The following PPP5C variants were observed in gnomAD, a reference collection of about 807,000 sequenced individuals.
The protein encoded by PPP5C is serine/threonine-protein phosphatase 5.
Under a neutral mutation model 66.7 loss-of-function variants are expected in PPP5C, and 21 were observed. That is an observed-to-expected ratio of 0.31 (90% CI 0.22 to 0.45). The LOEUF (loss-of-function observed/expected upper bound fraction) is 0.45, where lower values mean the gene tolerates loss of function less well. PPP5C is among the 20% of genes least tolerant of loss of function. The probability of loss-of-function intolerance (pLI) is 1.00; values close to 1 mark genes in which losing one functional copy is unlikely to be tolerated. For synonymous variants in PPP5C, 246 were observed against 257.4 expected, an observed-to-expected ratio of 0.96 and a Z score of 0.43; for missense variants, 464 against 675.9, an observed-to-expected ratio of 0.69 and a Z score of 3.48.
At chr19:46,366,690 G>T (rs1972496695) in intron 2 of PPP5C, among the ~76,000 whole-genome samples, 1 of 152,146 alleles carries the variant, frequency 6.6e-6, no homozygotes, top group Non-Finnish European at 1.5e-5. Flanking sequence ...ATTATAAAAG[G>T]GGTTTTGCAG....
chr19:46,384,059 A>C (rs1774168926), intron 6 of PPP5C, 181 bp downstream of exon 6: 2 of 602,634 alleles, frequency 3.3e-6, no homozygotes, highest in Non-Finnish European at 5.9e-6. Flanking sequence ...CCCAGGCTCC[A>C]GGCTCGGACA....
At chr19:46,352,175 A>G (rs1465507084) in intron 1 of PPP5C, among the ~76,000 whole-genome samples, 1 of 151,822 alleles carries the variant, frequency 6.6e-6, no homozygotes, top group African/African-American at 2.4e-5. Context: ...AACCCTAAAC[A>G]CTGGGCACCA....
chr19:46,353,799 A>G lies in PPP5C; in HGVS notation c.173A>G (p.Asn58Ser). The G allele has an allele frequency of 6.2e-7, 1 of 1,614,048 alleles. No homozygotes were observed. ...TTCTACAGCCAGGCCATCGAGCTGA[A>G]CCCCAGCAATGCCATCTACTATGGC... ...IKFYSQAIEL[N>S]PSNAIYYGNR... The change falls in exon 2 of 13, where the codon AAC becomes AGC. Residue 58 changes from asparagine to serine, a missense_variant. Physicochemically the swap from Asn to Ser is conservative, Grantham distance 46. Transcript: ENST00000012443.
At chr19:46,384,091 G>C in intron 6 of PPP5C, 1 of 569,152 alleles carries the variant, frequency 1.8e-6, no homozygotes, top group Non-Finnish European at 3.1e-6. Context: ...GCACCCACCT[G>C]CTGTGTGACC....
chr19:46,349,167 A>G (rs1460271834), intron 1 of PPP5C, among the ~76,000 whole-genome samples: 3 of 152,028 alleles, frequency 2.0e-5, no homozygotes, highest in Non-Finnish European at 4.4e-5. Context: ...GGTGGCACAC[A>G]CCTGTAGTCC....
intron 2 of PPP5C, among the ~76,000 whole-genome samples, chr19:46,365,891 T>A (rs1972482345): frequency 6.6e-6 from 1 of 152,168 alleles, no homozygotes; most frequent in Non-Finnish European, 1.5e-5. Context: ...ATGCCAGTAC[T>A]GTGACCCGGG....
At chr19:46,349,246 A>C (rs1601407347) in intron 1 of PPP5C, among the ~76,000 whole-genome samples, 1 of 152,098 alleles carries the variant, frequency 6.6e-6, no homozygotes, top group Non-Finnish European at 1.5e-5. Flanking sequence ...GTGAGCCAAG[A>C]TCACACCACT....
Position 46,376,697 on chromosome 19 carries a change from A to G in PPP5C, c.633+123A>G. On this transcript the variant is annotated intron_variant, in intron 4 of 12. Coordinates refer to ENST00000012443, the MANE Select transcript of PPP5C (RefSeq NM_006247.4). The surrounding 1 kb of genome is among the most constrained non-coding windows in gnomAD (Gnocchi z 5.1). ...GCCATGACAGCCAACACCAAACAGG[A>G]GTCGTGTGCCGGACACTGTGCCGAG... 1.5e-6 allele frequency: 2 copies of G among 1,368,240 alleles called. No individual in the cohort carries two copies. The highest frequency in any genetic ancestry group is 2.0e-6 in the Non-Finnish European group (2 of 999,888). 84.8% of individuals were successfully genotyped at this position (1,368,240 alleles called of 1,614,324 possible).
chr19:46,349,513 G>A (rs1375163746), intron 1 of PPP5C, among the ~76,000 whole-genome samples: 1 of 152,224 alleles, frequency 6.6e-6, no homozygotes, highest in South Asian at 2.1e-4. Context: ...GCTCGATCCG[G>A]TGGGAGCCGT....
Position 46,388,476 on chromosome 19 carries a change from G to A in PPP5C, c.1176+28G>A, listed in dbSNP as rs1446639407. Reference sequence around the variant, plus strand: ...GAGTCTAGGGTGGGGTGCAGGGCCGGCGGGTGTGGGCTGTGGCAGCAGGTG... The same window carrying A: ...GAGTCTAGGGTGGGGTGCAGGGCCGACGGGTGTGGGCTGTGGCAGCAGGTG... On this transcript the variant is annotated intron_variant, in intron 10 of 12. Coordinates refer to ENST00000012443, the MANE Select transcript of PPP5C (RefSeq NM_006247.4). This position sits in a 1 kb window ranked among gnomAD's most constrained non-coding sequence, Gnocchi z 4.9. 1 of 1,610,468 alleles carries A rather than the reference G, an allele frequency of 6.2e-7. No homozygotes were observed. The highest frequency in any genetic ancestry group is 8.5e-7 in the Non-Finnish European group (1 of 1,177,328).
At position 46,376,650 on chromosome 19, in the gene PPP5C, G is replaced by C. The variant is rs1169033718; in HGVS notation, c.633+76G>C. On this transcript the variant is annotated intron_variant, in intron 4 of 12. Transcript: ENST00000012443. The surrounding 1 kb of genome is among the most constrained non-coding windows in gnomAD (Gnocchi z 5.1). ...CAGCACTGCCAGCCGCGGGCACTGA[G>C]CAAAACGACAGGAGAAGGGCGGCCA... 4 of 1,565,660 alleles carry C rather than the reference G, an allele frequency of 2.6e-6. No individual in the cohort carries two copies. The African/African-American group carries it at 5.4e-5, about 21-fold the overall frequency.
Position 46,376,927 on chromosome 19 carries a change from G to A in PPP5C, c.633+353G>A, listed in dbSNP as rs1160273236. ...CTGCTGGTTGTTGCAGGTTGTTTGG[G>A]ACCTGCTGGTTGCTCCTAGTCCTGA... On this transcript the variant is annotated intron_variant, in intron 4 of 12. Coordinates refer to ENST00000012443, the MANE Select transcript of PPP5C (RefSeq NM_006247.4). The surrounding 1 kb of genome is among the most constrained non-coding windows in gnomAD (Gnocchi z 5.1). 1.3e-5 allele frequency among the ~76,000 whole-genome samples: 2 copies of A among 152,116 alleles called. No individual in the cohort carries two copies. The highest frequency in any genetic ancestry group is 2.9e-5 in the Non-Finnish European group (2 of 68,018).
At position 46,383,750 on chromosome 19, in the gene PPP5C, G is replaced by C. The variant is rs1024781; in HGVS notation, c.700-30G>C. ...CCTCCCCACGTCTCTCTCTCGGCCC[G>C]TCCCTCTCCGGTGGCCTCTTTTCTT... On this transcript the variant is annotated intron_variant, in intron 5 of 12. Transcript: ENST00000012443. This position sits in a 1 kb window ranked among gnomAD's most constrained non-coding sequence, Gnocchi z 5.0. 0.97 allele frequency: 1,513,655 copies of C among 1,567,946 alleles called. 730,769 individuals carry two copies. Among genetic ancestry groups the C allele is most frequent in the East Asian group, 1 (44,607 of 44,622 alleles).
At chr19:46,361,241 T>C (rs1325112581) in intron 2 of PPP5C, among the ~76,000 whole-genome samples, 1 of 150,154 alleles carries the variant, frequency 6.7e-6, no homozygotes, top group Non-Finnish European at 1.5e-5. Context: ...CCCATTCTCC[T>C]GCCTCAGCCT....
Position 46,376,833 on chromosome 19 carries a change from G to T in PPP5C, c.633+259G>T. 2.5e-6 allele frequency: 1 copy of T among 400,746 alleles called. No individual in the cohort carries two copies. Among genetic ancestry groups the T allele is most frequent in the Non-Finnish European group, 4.6e-6 (1 of 218,088 alleles). 24.8% of individuals were successfully genotyped at this position (400,746 alleles called of 1,614,324 possible). On this transcript the variant is annotated intron_variant, in intron 4 of 12. Transcript: ENST00000012443. The surrounding 1 kb of genome is among the most constrained non-coding windows in gnomAD (Gnocchi z 5.1). The stretch of plus-strand genomic sequence containing the variant: ...CAGAGAGGTCAGGTGACTGGCCCAG[G>T]GTGAAAGGTGAGGAAGCAGTAGAGT...
chr19:46,365,989 A>T (rs1972483969), intron 2 of PPP5C, among the ~76,000 whole-genome samples: 1 of 152,128 alleles, frequency 6.6e-6, no homozygotes, highest in African/African-American at 2.4e-5. Flanking sequence ...AAAGATGGAA[A>T]CCTTCATTCT....
At chr19:46,366,374 T>C (rs2009569) in intron 2 of PPP5C, among the ~76,000 whole-genome samples, 149,979 of 151,958 alleles carry the variant, frequency 0.99, 74,017 homozygotes, top group East Asian at 1. Flanking sequence ...GAGACAGAAT[T>C]TTACTCTGTC....
At chr19:46,382,740 G>A in intron 4 of PPP5C, 1 of 956,462 alleles carries the variant, frequency 1.0e-6, no homozygotes, top group African/African-American at 1.8e-5. Flanking sequence ...TGTGACCACA[G>A]TTGAATTGTC....
intron 2 of PPP5C, among the ~76,000 whole-genome samples, chr19:46,364,862 G>A (rs1362530473): frequency 6.6e-6 from 1 of 151,916 alleles, no homozygotes; most frequent in Non-Finnish European, 1.5e-5. Context: ...CATTTACCTA[G>A]GTATTTGCAG....
Sources: gnomAD v4.1 joint callset for allele counts (sites outside exome capture counted in the v4.1 genomes callset) on GRCh38, gnomAD v4.1.1 for gene constraint, Gnocchi (gnomAD v3.1) non-coding constraint, MANE v1.5 for transcripts, NCBI Gene and HGNC (gene_info 2026-07-23, HGNC 2026-07-21) for gene names.